The following CD109 variants were observed in gnomAD, a reference collection of about 807,000 sequenced individuals.
The protein encoded by CD109 is CD109 antigen.
CD109 carries 149 observed loss-of-function variants against 165.8 expected under a neutral mutation model. The observed-to-expected ratio is 0.90, with a 90% CI of 0.79 to 1.03. The LOEUF (loss-of-function observed/expected upper bound fraction) is 1.03, where lower values mean the gene tolerates loss of function less well. CD109 is among the 50% of genes least tolerant of loss of function. CD109 has a pLI of 0.00. For missense variants in CD109, 1,712 were observed against 1,677.8 expected, an observed-to-expected ratio of 1.02 and a Z score of -0.36; for synonymous variants, 585 against 592.1, an observed-to-expected ratio of 0.99 and a Z score of 0.18.
intron 3 of CD109, among the ~76,000 whole-genome samples, chr6:73,723,906 A>C (rs1034288155): frequency 1.3e-5 from 2 of 152,164 alleles, no homozygotes; most frequent in African/African-American, 4.8e-5. Flanking sequence ...AAGTTAAAAA[A>C]AAACAAGGCA....
the CD109 span, among the ~76,000 whole-genome samples, chr6:73,682,486 A>G: frequency 6.6e-6 from 1 of 152,240 alleles, no homozygotes; most frequent in African/African-American, 2.4e-5. Flanking sequence ...TTTGCAGGGT[A>G]CAGCCTTCCT....
chr6:73,795,663 G>C (rs374150626), intron 23 of CD109, among the ~76,000 whole-genome samples: 1 of 152,166 alleles, frequency 6.6e-6, no homozygotes, highest in Non-Finnish European at 1.5e-5. Context: ...TAAGAATGCC[G>C]AGCGCTACAG....
Position 73,792,760 on chromosome 6 carries a change from A to G in CD109, c.2836A>G (p.Thr946Ala). Residue 946 changes from threonine (T) to alanine (A), a missense_variant, in exon 23 of 33, where the codon ACA becomes GCA. Coordinates refer to ENST00000287097, the MANE Select transcript of CD109 (RefSeq NM_133493.5). Reference protein sequence around the residue: ...LDYLTKKKQLTDNLKEKALSF... With the variant: ...LDYLTKKKQLADNLKEKALSF... Reference sequence around the variant, plus strand: ...TTATCTGACTAAAAAGAAACAACTGACAGATAATTTGAAAGAAAAAGCTCT... The same window carrying G: ...TTATCTGACTAAAAAGAAACAACTGGCAGATAATTTGAAAGAAAAAGCTCT... The G allele has an allele frequency of 1.9e-6, 3 of 1,611,874 alleles. No homozygotes were observed. The highest frequency in any genetic ancestry group is 2.5e-6 in the Non-Finnish European group (3 of 1,179,664).
At chr6:73,810,656 G>A (rs1322554188) in intron 27 of CD109, among the ~76,000 whole-genome samples, 3 of 147,174 alleles carry the variant, frequency 2.0e-5, no homozygotes, top group African/African-American at 7.4e-5. Context: ...AGTGAATTTA[G>A]TAACATTGTG....
At chr6:73,821,928 A>G (rs540696724) in intron 32 of CD109, among the ~76,000 whole-genome samples, 58 of 152,366 alleles carry the variant, frequency 3.8e-4, no homozygotes, top group African/African-American at 1.3e-3. Flanking sequence ...GAACATGAAC[A>G]GCATCTGCAA....
rs138271625 is a variant in CD109 at position 73,775,013 on chromosome 6, G to A, written c.1827+3432G>A. The stretch of plus-strand genomic sequence containing the variant: ...ATGCCTTGGAATAATTTCAGTATGT[G>A]GATCTTCCAGGAATAATTTTTAGAC... On this transcript the variant is annotated intron_variant, in intron 15 of 32. Transcript: ENST00000287097. Among the ~76,000 whole-genome samples the A allele has an allele frequency of 1.1e-3, 166 of 151,682 alleles. 1 individual carries two copies. Among genetic ancestry groups the A allele is most frequent in the African/African-American group, 3.9e-3 (160 of 41,330 alleles).
chr6:73,777,169 C>T (rs1328271743), intron 15 of CD109, among the ~76,000 whole-genome samples: 5 of 151,238 alleles, frequency 3.3e-5, no homozygotes, highest in Admixed American at 2.6e-4. Flanking sequence ...TGTTGGTCAG[C>T]CTGGTCTTGA....
intron 2 of CD109, among the ~76,000 whole-genome samples, chr6:73,707,445 G>T (rs1771322497): frequency 6.6e-6 from 1 of 152,034 alleles, no homozygotes; most frequent in East Asian, 1.9e-4. Flanking sequence ...AGGGATATGA[G>T]GTTATGTTTG....
intron 11 of CD109, 41 bp from the exon 12 acceptor site, chr6:73,766,718 C>T (rs748244445): frequency 2.8e-6 from 4 of 1,404,440 alleles, no homozygotes; most frequent in Non-Finnish European, 2.0e-6. Context: ...CAAGGTGTTA[C>T]TAAAGATGAA....
At chr6:73,751,123 A>G (rs920058684) in intron 5 of CD109, among the ~76,000 whole-genome samples, 1 of 152,190 alleles carries the variant, frequency 6.6e-6, no homozygotes, top group Non-Finnish European at 1.5e-5. Context: ...GGGTAACAAA[A>G]TTCTCATCTG....
At chr6:73,804,159 G>A (rs931288606) in intron 24 of CD109, 7 of 152,252 alleles carry the variant, frequency 4.6e-5, no homozygotes, top group African/African-American at 1.2e-4. Context: ...GGGCAGGAAA[G>A]TGAATTCCTC....
intron 5 of CD109, among the ~76,000 whole-genome samples, chr6:73,752,538 G>C (rs1484982392): frequency 3.3e-5 from 5 of 152,166 alleles, no homozygotes; most frequent in Non-Finnish European, 7.4e-5. Flanking sequence ...AATACCTGCT[G>C]ACTCTTATTT....
rs552597609 is a variant in CD109 at position 73,789,426 on chromosome 6, G to A, written c.2701+814G>A. ...CTCAAATACTTAACTGTTTTTTTTT[G>A]TGGGAAGAACATTTGAAATTTGCTG... On this transcript the variant is annotated intron_variant, in intron 22 of 32. Transcript: ENST00000287097. Among the ~76,000 whole-genome samples, 5 of 149,262 alleles carry A rather than the reference G, an allele frequency of 3.3e-5. No individual in the cohort carries two copies. The East Asian group carries it at 9.8e-4, about 29-fold the overall frequency.
chr6:73,781,437 C>G (rs1011128201), intron 17 of CD109, 118 bp downstream of exon 17: 8 of 833,134 alleles, frequency 9.6e-6, no homozygotes, highest in Non-Finnish European at 1.5e-5. Flanking sequence ...TTTTTTTGTT[C>G]TCTTCTCCCA....
At chr6:73,776,553 CTTTTTTTTTT>C (rs34703329) in intron 15 of CD109, among the ~76,000 whole-genome samples, 10 of 73,110 alleles carry the variant, frequency 1.4e-4, no homozygotes, top group South Asian at 5.0e-4. Flanking sequence ...CGCAAGTGGC[CTTTTTTTTTT>C]TTTTTTTTTT....
intron 2 of CD109, among the ~76,000 whole-genome samples, chr6:73,720,408 G>A (rs1687120955): frequency 6.6e-6 from 1 of 152,122 alleles, no homozygotes; most frequent in Admixed American, 6.6e-5. Flanking sequence ...CAGTTATACG[G>A]GAGGAATAAT....
rs1412128027 is a variant in CD109, at chr6:73,791,154, T to TACAC, written c.2702-1471_2702-1470insCACA. ...ATACATACATATATATATATATATA[T>TACAC]ATATATATATATATATATATATACA... On this transcript the variant is annotated intron_variant, in intron 22 of 32. Coordinates refer to ENST00000287097, the MANE Select transcript of CD109 (RefSeq NM_133493.5). 1.3e-3 allele frequency among the ~76,000 whole-genome samples: 36 copies of TACAC among 28,232 alleles called. 2 individuals are homozygous for TACAC. The highest frequency in any genetic ancestry group is 4.2e-3 in the East Asian group (3 of 712). 18.5% of individuals were successfully genotyped at this position (28,232 alleles called of 152,430 possible).
chr6:73,820,002 A>G (rs1320132596), intron 31 of CD109, among the ~76,000 whole-genome samples: 2 of 152,170 alleles, frequency 1.3e-5, no homozygotes, highest in Non-Finnish European at 2.9e-5. Context: ...TTGGAGACAG[A>G]TAGGCTGGCT....
At chr6:73,679,244 G>A in the CD109 span, among the ~76,000 whole-genome samples, 3 of 152,166 alleles carry the variant, frequency 2.0e-5, no homozygotes, top group Non-Finnish European at 2.9e-5. Context: ...GGCTCAGGGT[G>A]AGTCTTGAAG....
Sources: allele counts gnomAD v4.1 joint callset (sites outside exome capture counted in the v4.1 genomes callset), GRCh38; gene constraint gnomAD v4.1.1; transcripts MANE v1.5; gene names NCBI Gene and HGNC (gene_info 2026-07-23, HGNC 2026-07-21).